TBC1D5: variants seen among roughly 807,000 people sequenced by gnomAD.
TBC1D5 encodes the protein TBC1 domain family member 5, also known as TBC1 domain family, member 5.
TBC1D5 carries 75 observed loss-of-function variants against 100.3 expected under a neutral mutation model. The observed-to-expected ratio is 0.75, with a 90% CI of 0.62 to 0.91. TBC1D5 has a LOEUF of 0.91. Ranked by LOEUF, TBC1D5 falls within the 40% of genes least tolerant of loss-of-function variation. The pLI, the probability that TBC1D5 is intolerant of heterozygous loss-of-function variation, is 0.00. For synonymous variants in TBC1D5, 323 were observed against 325.6 expected (o/e 0.99, Z 0.09); for missense variants, 910 against 942.4 (o/e 0.97, Z 0.45).
chr3:17,337,028 T>C (rs1162340930), intron 13 of TBC1D5, among the ~76,000 whole-genome samples: 1 of 152,034 alleles, frequency 6.6e-6, no homozygotes, highest in Non-Finnish European at 1.5e-5. Flanking sequence ...TTAATCTATG[T>C]ATATGTCCCC....
intron 1 of TBC1D5, among the ~76,000 whole-genome samples, chr3:17,736,799 T>C (rs957884038): frequency 3.3e-5 from 5 of 151,910 alleles, no homozygotes; most frequent in Admixed American, 1.3e-4. Context: ...ATCACCTGAG[T>C]CAGGAGTTTG....
At chr3:17,563,938 A>G (rs1389342490) in intron 2 of TBC1D5, among the ~76,000 whole-genome samples, 3 of 152,104 alleles carry the variant, frequency 2.0e-5, no homozygotes, top group Non-Finnish European at 4.4e-5. Flanking sequence ...GCCCGCCACC[A>G]TGCCTGGCTA....
intron 2 of TBC1D5, among the ~76,000 whole-genome samples, chr3:17,536,257 T>G (rs1361314425): frequency 6.6e-6 from 1 of 152,166 alleles, no homozygotes; most frequent in East Asian, 1.9e-4. Flanking sequence ...TGCTGCATAG[T>G]CACAAAAGCA....
intron 18 of TBC1D5, among the ~76,000 whole-genome samples, chr3:17,213,465 G>A (rs1484409773): frequency 6.6e-6 from 1 of 152,108 alleles, no homozygotes; most frequent in Non-Finnish European, 1.5e-5. Flanking sequence ...TTTGAGAAAT[G>A]TATATAAAGA....
chr3:17,327,352 A>T (rs1031429466), intron 13 of TBC1D5, among the ~76,000 whole-genome samples: 2 of 152,222 alleles, frequency 1.3e-5, no homozygotes, highest in East Asian at 3.9e-4. Context: ...AGGCGACATC[A>T]TGTCTGTCCT....
intron 15 of TBC1D5, among the ~76,000 whole-genome samples, chr3:17,259,834 T>C (rs1357277408): frequency 6.6e-6 from 1 of 152,206 alleles, no homozygotes; most frequent in African/African-American, 2.4e-5. Flanking sequence ...AGAATATTTA[T>C]ACAGCTCAAC....
At chr3:17,207,101 AT>A (rs1015044521) in intron 18 of TBC1D5, among the ~76,000 whole-genome samples, 2 of 151,968 alleles carry the variant, frequency 1.3e-5, no homozygotes, top group Non-Finnish European at 2.9e-5. Context: ...TGCCCAGCTA[AT>A]TTTTTTGTTA....
At chr3:17,447,039 A>G (rs2094815585) in intron 3 of TBC1D5, among the ~76,000 whole-genome samples, 1 of 152,112 alleles carries the variant, frequency 6.6e-6, no homozygotes, top group Admixed American at 6.5e-5. Context: ...GTATCACTGA[A>G]GCTAAAAGAG....
At chr3:17,553,218 G>A (rs922812026) in intron 2 of TBC1D5, among the ~76,000 whole-genome samples, 1 of 152,128 alleles carries the variant, frequency 6.6e-6, no homozygotes, top group East Asian at 1.9e-4. Context: ...GAGGTCACCA[G>A]TCAATACACA....
chr3:17,255,321 C>A (rs2077542660), intron 16 of TBC1D5, among the ~76,000 whole-genome samples: 1 of 152,126 alleles, frequency 6.6e-6, no homozygotes, highest in Non-Finnish European at 1.5e-5. Flanking sequence ...CTGCCTCAGC[C>A]TCCCGAGTAG....
chr3:17,453,880 T>C (rs887962024), intron 3 of TBC1D5, among the ~76,000 whole-genome samples: 1 of 151,858 alleles, frequency 6.6e-6, no homozygotes, highest in Non-Finnish European at 1.5e-5. Flanking sequence ...TACTAGCAAA[T>C]CAAAATAAAC....
intron 2 of TBC1D5, among the ~76,000 whole-genome samples, chr3:17,577,868 T>C (rs1443652649): frequency 6.6e-6 from 1 of 151,996 alleles, no homozygotes; most frequent in Non-Finnish European, 1.5e-5. Context: ...AGCCAAGTAC[T>C]GTCTAAGAAG....
chr3:17,205,867 G>C (rs1358173856), intron 18 of TBC1D5, among the ~76,000 whole-genome samples: 1 of 152,212 alleles, frequency 6.6e-6, no homozygotes, highest in Admixed American at 6.5e-5. Context: ...AAGGATGGCA[G>C]AGTGGAAAGA....
At chr3:17,270,770 T>C (rs1280723462) in intron 15 of TBC1D5, among the ~76,000 whole-genome samples, 1 of 152,148 alleles carries the variant, frequency 6.6e-6, no homozygotes, top group Non-Finnish European at 1.5e-5. Flanking sequence ...AAGGCTCTGA[T>C]TTATCTTGAG....
chr3:17,164,182 C>G (rs2066365851), intron 21 of TBC1D5, among the ~76,000 whole-genome samples: 1 of 152,184 alleles, frequency 6.6e-6, no homozygotes, highest in Admixed American at 6.5e-5. Context: ...GTCACATCAA[C>G]CTCACAGTGA....
At chr3:17,198,799 A>G (rs1179736670) in intron 18 of TBC1D5, among the ~76,000 whole-genome samples, 1 of 152,196 alleles carries the variant, frequency 6.6e-6, no homozygotes, top group Non-Finnish European at 1.5e-5. Context: ...CCTTGACTAC[A>G]TATTTGAATA....
At chr3:17,633,723 T>A (rs948832226) in intron 1 of TBC1D5, among the ~76,000 whole-genome samples, 5 of 152,112 alleles carry the variant, frequency 3.3e-5, no homozygotes, top group Non-Finnish European at 5.9e-5. Context: ...AATGCTTTTT[T>A]AAAAATTAAG....
chr3:17,594,230 T>C (rs2060419677), intron 2 of TBC1D5, among the ~76,000 whole-genome samples: 1 of 152,170 alleles, frequency 6.6e-6, no homozygotes, highest in South Asian at 2.1e-4. Flanking sequence ...ATGAAATCAG[T>C]GTACTACTCC....
At chr3:17,698,743 C>T (rs1271566724) in intron 1 of TBC1D5, among the ~76,000 whole-genome samples, 19 of 150,060 alleles carry the variant, frequency 1.3e-4, no homozygotes, top group Non-Finnish European at 2.4e-4. Flanking sequence ...GGATATGAAC[C>T]GACACTTCTC....
Sources: gnomAD v4.1 joint callset for allele counts (sites outside exome capture counted in the v4.1 genomes callset) on GRCh38, gnomAD v4.1.1 for gene constraint, MANE v1.5 for transcripts, NCBI Gene and HGNC (gene_info 2026-07-23, HGNC 2026-07-21) for gene names.